Variants in KPNA4 observed in about 807,000 individuals in gnomAD.
The protein encoded by KPNA4 is karyopherin subunit alpha 4.
A neutral mutation model predicts 71.3 loss-of-function variants in KPNA4; 13 were observed. The observed-to-expected ratio is 0.18, with a 90% CI of 0.12 to 0.29. The LOEUF (loss-of-function observed/expected upper bound fraction) is 0.29, where lower values mean the gene tolerates loss of function less well. KPNA4 is among the 10% of genes least tolerant of loss of function. The pLI is 1.00. For missense variants in KPNA4, 334 were observed against 603.2 expected, an observed-to-expected ratio of 0.55 and a Z score of 4.67; for synonymous variants, 189 against 195.2, an observed-to-expected ratio of 0.97 and a Z score of 0.26.
rs1451718394 is a variant in KPNA4, at chr3:160,514,159, T to C, written c.1055A>G (p.Asn352Ser). 1 of 1,599,416 alleles carries C rather than the reference T, an allele frequency of 6.3e-7. No individual in the cohort carries two copies. The change falls in exon 13 of 17, where the codon AAC (asparagine) becomes AGC (serine). Residue 352 changes from asparagine (N) to serine (S), a missense_variant. By Grantham distance (46) the Asn-to-Ser change is conservative. Coordinates refer to ENST00000334256, the MANE Select transcript of KPNA4 (RefSeq NM_002268.5). The part of the protein sequence containing the change: ...INKEAVWFLS[N>S]ITAGNQQQVQ... ...CTGCTGCTGATTTCCTGCAGTGATG[T>C]TGGAGAGGAACCACACTGCTTCCTG...
rs1722033175 is a variant in KPNA4, at chr3:160,551,120, C to T, written c.69+14094G>A. Among the ~76,000 whole-genome samples, 3 of 152,248 alleles carry T rather than the reference C, an allele frequency of 2.0e-5. No individual in the cohort carries two copies. In the South Asian group the frequency reaches 6.2e-4, roughly 32 times the overall value. On this transcript the variant is annotated intron_variant, in intron 1 of 16. Transcript: ENST00000334256. ...CACCAGTGAAGCCAATGATCCTGGG[C>T]TTTTCTTTGTTGGGAGATTTTAAAT...
Position 160,526,083 on chromosome 3 carries a change from T to A in KPNA4, c.581A>T (p.Tyr194Phe). The change falls in exon 9 of 17, where the codon TAT becomes TTT. Residue 194 changes from tyrosine to phenylalanine, a missense_variant. Physicochemically the swap from Tyr to Phe is conservative, Grantham distance 22 (BLOSUM62 3). Coordinates refer to ENST00000334256, the MANE Select transcript of KPNA4 (RefSeq NM_002268.5). ...IIGDGPQCRD[Y>F]VISLGVVKPL... ...TTTCACAACTCCAAGACTTATGACA[T>A]AATCTCTACACTGGGGCCCATCACC... is the stretch of plus-strand genomic sequence containing the variant. The A allele has an allele frequency of 6.3e-7, 1 of 1,579,098 alleles. No homozygotes were observed. The highest frequency in any genetic ancestry group is 8.6e-7 in the Non-Finnish European group (1 of 1,166,054).
At position 160,523,263 on chromosome 3, in the gene KPNA4, G is replaced by C. The variant is rs185492477; in HGVS notation, c.772-1353C>G. Among the ~76,000 whole-genome samples, 4 of 152,164 alleles carry C rather than the reference G, an allele frequency of 2.6e-5. No homozygotes were observed. The East Asian group carries it at 5.8e-4, about 22-fold the overall frequency. ...AGGCAGGTGGACTGCTTGAGCCCAGGAGTTACAGACCAGCCTGGGCAACAC... is the reference window on the plus strand; with the variant it reads ...AGGCAGGTGGACTGCTTGAGCCCAGCAGTTACAGACCAGCCTGGGCAACAC... On this transcript the variant is annotated intron_variant, in intron 10 of 16. Coordinates refer to ENST00000334256, the MANE Select transcript of KPNA4 (RefSeq NM_002268.5).
intron 1 of KPNA4, chr3:160,564,128 T>C (rs1273837030): frequency 2.0e-5 from 3 of 152,092 alleles, no homozygotes; most frequent in Admixed American, 2.0e-4. Context: ...AAGTATTAAA[T>C]CTATTTATCT....
In KPNA4 at chr3:160,495,211, A is replaced by C. The variant is rs912728049; in HGVS notation, c.*6893T>G. The C allele has an allele frequency of 2.0e-5, 3 of 152,208 alleles. No individual in the cohort carries two copies. Among genetic ancestry groups the C allele is most frequent in the African/African-American group, 7.2e-5 (3 of 41,454 alleles). 9.4% of individuals were successfully genotyped at this position (152,208 alleles called of 1,614,324 possible). ...ACCATAAATGTAAAACACATACTGA[A>C]AAATGAGGGTTAATGGGGATGGCAA... On this transcript the variant is annotated 3_prime_UTR_variant, in exon 17 of 17. Transcript: ENST00000334256.
rs1225046707 is a variant in KPNA4, at chr3:160,565,215, T to G, written c.68A>C (p.Glu23Ala). 1.9e-6 allele frequency: 3 copies of G among 1,605,460 alleles called. No individual in the cohort carries two copies. The highest frequency in any genetic ancestry group is 1.7e-6 in the Non-Finnish European group (2 of 1,176,102). ...KNFKNKGRDL[E>A]TMRRQRNEVV... ...CTCCGGCGTCGTCCCCGAGTTTACCTCCAAGTCGCGGCCTTTGTTCTTGAA... is the reference window on the plus strand; with the variant it reads ...CTCCGGCGTCGTCCCCGAGTTTACCGCCAAGTCGCGGCCTTTGTTCTTGAA... Residue 23 changes from glutamate (E) to alanine (A), a missense_variant and splice_region_variant, in exon 1 of 17, where the codon GAG becomes GCG. Glu to Ala is a moderately radical substitution (Grantham distance 107, BLOSUM62 -1). Transcript: ENST00000334256.
chr3:160,541,649 G>GCA (rs60806533), intron 1 of KPNA4, among the ~76,000 whole-genome samples: 20,852 of 146,532 alleles, frequency 0.14, 2,021 homozygotes, highest in African/African-American at 0.29. Flanking sequence ...TTATATACGC[G>GCA]CACACACACA....
rs868270170 is a variant in KPNA4 at position 160,547,796 on chromosome 3, A to C, written c.70-10956T>G. Among the ~76,000 whole-genome samples, 4 of 152,214 alleles carry C rather than the reference A, an allele frequency of 2.6e-5. No individual in the cohort carries two copies. The South Asian group carries it at 8.3e-4, about 32-fold the overall frequency. Reference sequence around the variant, plus strand: ...AGTTTTGCCTTTTAAAGAATGTCATATAGTTGGAAGTATAGAGTATACAGT... The same window carrying C: ...AGTTTTGCCTTTTAAAGAATGTCATCTAGTTGGAAGTATAGAGTATACAGT... On this transcript the variant is annotated intron_variant, in intron 1 of 16. Coordinates refer to ENST00000334256, the MANE Select transcript of KPNA4 (RefSeq NM_002268.5).
At chr3:160,532,650 G>C (rs917302042) in intron 5 of KPNA4, among the ~76,000 whole-genome samples, 40 of 152,100 alleles carry the variant, frequency 2.6e-4, no homozygotes, top group African/African-American at 9.4e-4. Flanking sequence ...TTACCCACTG[G>C]AACACCCTGT....
At chr3:160,516,985 A>T (rs1489593705) in intron 11 of KPNA4, among the ~76,000 whole-genome samples, 1 of 152,064 alleles carries the variant, frequency 6.6e-6, no homozygotes, top group Non-Finnish European at 1.5e-5. Context: ...AAATTCATAT[A>T]ACATAAAATT....
intron 1 of KPNA4, among the ~76,000 whole-genome samples, chr3:160,561,411 C>A (rs895054609): frequency 6.6e-6 from 1 of 151,732 alleles, no homozygotes; most frequent in Non-Finnish European, 1.5e-5. Context: ...GGTTACTATT[C>A]TCAAACTAAG....
At chr3:160,526,490 C>A (rs537875616) in intron 8 of KPNA4, among the ~76,000 whole-genome samples, 2 of 152,180 alleles carry the variant, frequency 1.3e-5, no homozygotes, top group African/African-American at 4.8e-5. Flanking sequence ...CTATAAATTA[C>A]TCTATACACT....
intron 11 of KPNA4, among the ~76,000 whole-genome samples, chr3:160,518,731 G>A (rs907873049): frequency 6.6e-6 from 1 of 151,830 alleles, no homozygotes; most frequent in African/African-American, 2.4e-5. Flanking sequence ...CATGGTAGCA[G>A]GCACCTGTAA....
intron 1 of KPNA4, among the ~76,000 whole-genome samples, chr3:160,538,041 T>C (rs915596058): frequency 5.3e-5 from 8 of 151,770 alleles, no homozygotes; most frequent in African/African-American, 1.9e-4. Flanking sequence ...ATGGACTCCT[T>C]TGGCAGTTTG....
chr3:160,522,278 A>G (rs943235102), intron 10 of KPNA4, among the ~76,000 whole-genome samples: 2 of 152,218 alleles, frequency 1.3e-5, no homozygotes, highest in African/African-American at 4.8e-5. Context: ...GAAAGACTAC[A>G]TGTATCCAAC....
At position 160,535,705 on chromosome 3, in the gene KPNA4, A is replaced by G; in HGVS notation, c.205-15T>C. 1 of 1,573,830 alleles carries G rather than the reference A, an allele frequency of 6.4e-7. No homozygotes were observed. Among genetic ancestry groups the G allele is most frequent in the Non-Finnish European group, 8.5e-7 (1 of 1,169,910 alleles). ...GAGGTATTTTGCTGGGAAAAAAGTT[A>G]AAGAGAAAACTCAGTTAAAAAGTCA... On this transcript the variant is annotated splice_polypyrimidine_tract_variant and intron_variant, in intron 3 of 16. Transcript: ENST00000334256.
chr3:160,521,517 T>A (rs1281602438), intron 11 of KPNA4, among the ~76,000 whole-genome samples: 1 of 152,152 alleles, frequency 6.6e-6, no homozygotes, highest in Non-Finnish European at 1.5e-5. Context: ...GGGAGAATGT[T>A]CCTTGAACCT....
intron 1 of KPNA4, among the ~76,000 whole-genome samples, chr3:160,557,970 C>A (rs537550974): frequency 6.6e-6 from 1 of 152,344 alleles, no homozygotes; most frequent in African/African-American, 2.4e-5. Flanking sequence ...GCATGAGCCA[C>A]TGTGCCTGGG....
intron 1 of KPNA4, among the ~76,000 whole-genome samples, chr3:160,563,811 T>A (rs2108563974): frequency 6.6e-6 from 1 of 152,216 alleles, no homozygotes. Context: ...AGATGTGACA[T>A]CTTTGCATTA....
Sources: allele counts gnomAD v4.1 joint callset (sites outside exome capture counted in the v4.1 genomes callset), GRCh38; gene constraint gnomAD v4.1.1; transcripts MANE v1.5; gene names NCBI Gene and HGNC (gene_info 2026-07-23, HGNC 2026-07-21).